DNM3: variants seen among roughly 807,000 people sequenced by gnomAD.
DNM3 encodes the protein dynamin-3.
Under a neutral mutation model 101.6 loss-of-function variants are expected in DNM3, and 47 were observed. That is an observed-to-expected ratio of 0.46 (90% CI 0.37 to 0.59). The LOEUF (loss-of-function observed/expected upper bound fraction) is 0.59, where lower values mean the gene tolerates loss of function less well. Ranked by LOEUF, DNM3 falls within the 20% of genes least tolerant of loss-of-function variation. DNM3 has a pLI of 0.00. For synonymous variants in DNM3, 385 were observed against 387.9 expected (o/e 0.99, Z 0.09); for missense variants, 849 against 1,085.7 (o/e 0.78, Z 3.06).
chr1:172,020,114 T>C (rs1165245780), intron 4 of DNM3, among the ~76,000 whole-genome samples: 1 of 152,160 alleles, frequency 6.6e-6, no homozygotes, highest in Non-Finnish European at 1.5e-5. Flanking sequence ...TACTAAGCTA[T>C]AGTCATGTAG....
rs1268408032 is a variant in DNM3 at position 171,871,216 on chromosome 1, C to T, written c.161+29399C>T. Among the ~76,000 whole-genome samples, 8 of 152,128 alleles carry T rather than the reference C, an allele frequency of 5.3e-5. No individual in the cohort carries two copies. In the South Asian group the frequency reaches 6.2e-4, roughly 12 times the overall value. On this transcript the variant is annotated intron_variant, in intron 1 of 20. Coordinates refer to ENST00000627582, the MANE Select transcript of DNM3 (RefSeq NM_015569.5). The stretch of plus-strand genomic sequence containing the variant: ...TATGTGCTCACCACTCTATACTCAA[C>T]GCCCAGAGCCCCAGGATACAGAGGG...
chr1:172,159,319 G>A (rs6660156), intron 14 of DNM3, among the ~76,000 whole-genome samples: 1,586 of 151,874 alleles, frequency 0.01, 36 homozygotes, highest in African/African-American at 0.036. Context: ...TTCAGAAAAA[G>A]CATTTTTACT....
intron 20 of DNM3, among the ~76,000 whole-genome samples, chr1:172,389,779 C>T (rs2069417748): frequency 1.3e-5 from 2 of 152,148 alleles, no homozygotes; most frequent in African/African-American, 4.8e-5. Flanking sequence ...GCCACCTTGC[C>T]AACTGATTAT....
At chr1:171,984,121 C>T (rs2045050068) in intron 2 of DNM3, among the ~76,000 whole-genome samples, 2 of 152,140 alleles carry the variant, frequency 1.3e-5, no homozygotes, top group Admixed American at 1.3e-4. Flanking sequence ...AATTTAACCA[C>T]TCATCACCAC....
chr1:172,277,166 A>G (rs2063322241), intron 15 of DNM3, among the ~76,000 whole-genome samples: 1 of 152,022 alleles, frequency 6.6e-6, no homozygotes. Flanking sequence ...AGAGATGGAT[A>G]TTTCTGTTAA....
intron 17 of DNM3, among the ~76,000 whole-genome samples, chr1:172,377,309 G>GCA (rs1456500107): frequency 6.6e-6 from 1 of 151,652 alleles, no homozygotes; most frequent in East Asian, 1.9e-4. Flanking sequence ...AAAGTACATA[G>GCA]CACAGTACCT....
chr1:172,249,083 AGTCCTTTGCATATGCAG>A (rs1404486743), intron 14 of DNM3, among the ~76,000 whole-genome samples: 1 of 152,184 alleles, frequency 6.6e-6, no homozygotes. Context: ...AAGTCCTCCC[AGTCCTTTGCATATGCAG>A]GTCCTTTGCA....
intron 10 of DNM3, among the ~76,000 whole-genome samples, chr1:172,053,037 C>CA (rs1240711390): frequency 2.0e-5 from 3 of 152,046 alleles, no homozygotes; most frequent in Admixed American, 6.6e-5. Context: ...CCATTGCTGT[C>CA]AAAGTGATTT....
chr1:172,022,009 T>C (rs2047884019), intron 4 of DNM3, among the ~76,000 whole-genome samples: 1 of 152,352 alleles, frequency 6.6e-6, no homozygotes, highest in South Asian at 2.1e-4. Context: ...TCTTAGATGA[T>C]ATAACTTAGT....
At chr1:172,348,577 A>G (rs1251390594) in intron 17 of DNM3, among the ~76,000 whole-genome samples, 1 of 152,212 alleles carries the variant, frequency 6.6e-6, no homozygotes, top group Non-Finnish European at 1.5e-5. Context: ...ACATTTATGT[A>G]CAGAGTATTT....
At chr1:171,872,692 C>T (rs1392078752) in intron 1 of DNM3, among the ~76,000 whole-genome samples, 2 of 152,092 alleles carry the variant, frequency 1.3e-5, no homozygotes, top group Non-Finnish European at 2.9e-5. Flanking sequence ...TCTCCTAGTC[C>T]CTATCTGTAG....
chr1:172,158,033 A>G (rs2058406504), intron 14 of DNM3, among the ~76,000 whole-genome samples: 1 of 152,076 alleles, frequency 6.6e-6, no homozygotes, highest in Non-Finnish European at 1.5e-5. Flanking sequence ...AGTGCAAACA[A>G]TATAGTAAGG....
At chr1:172,347,013 T>A (rs2066972634) in intron 17 of DNM3, among the ~76,000 whole-genome samples, 1 of 152,188 alleles carries the variant, frequency 6.6e-6, no homozygotes. Context: ...GTATTGACCT[T>A]GGCACTAAAT....
At chr1:172,120,641 C>G (rs1175472612) in intron 13 of DNM3, among the ~76,000 whole-genome samples, 1 of 152,176 alleles carries the variant, frequency 6.6e-6, no homozygotes, top group Non-Finnish European at 1.5e-5. Context: ...CCACTCCTGC[C>G]CCACACATCC....
intron 1 of DNM3, among the ~76,000 whole-genome samples, chr1:171,875,807 GTC>G (rs1558197453): frequency 8.4e-6 from 1 of 119,072 alleles, no homozygotes; most frequent in African/African-American, 3.4e-5. Flanking sequence ...AAAAAGAGTT[GTC>G]TCTCTTTTTT....
At chr1:172,114,050 A>T (rs2055708164) in intron 13 of DNM3, among the ~76,000 whole-genome samples, 1 of 152,216 alleles carries the variant, frequency 6.6e-6, no homozygotes, top group Non-Finnish European at 1.5e-5. Context: ...GTGGTGGAAA[A>T]GATAGAAAAT....
At chr1:172,243,449 G>A (rs912430783) in intron 14 of DNM3, among the ~76,000 whole-genome samples, 15 of 152,178 alleles carry the variant, frequency 9.9e-5, no homozygotes, top group African/African-American at 3.4e-4. Flanking sequence ...CCTGGAGGAG[G>A]TGGAAATTGA....
chr1:171,921,866 G>A (rs1231106657), intron 2 of DNM3, 45 bp downstream of exon 2: 6 of 1,527,384 alleles, frequency 3.9e-6, no homozygotes, highest in Admixed American at 1.9e-5. Flanking sequence ...ACATCCTGTG[G>A]CCCCTTTTGC....
chr1:171,907,494 A>AAG (rs1337798257), intron 1 of DNM3, among the ~76,000 whole-genome samples: 2 of 134,862 alleles, frequency 1.5e-5, no homozygotes, highest in Non-Finnish European at 3.1e-5. Context: ...TCCGTCACAG[A>AAG]AAAAAAAAAA....
Sources: gnomAD v4.1 joint callset for allele counts (sites outside exome capture counted in the v4.1 genomes callset) on GRCh38, gnomAD v4.1.1 for gene constraint, MANE v1.5 for transcripts, NCBI Gene and HGNC (gene_info 2026-07-23, HGNC 2026-07-21) for gene names.